RBM33: variants seen among roughly 807,000 people sequenced by gnomAD.
RBM33 encodes the protein RNA binding motif protein 33.
A neutral mutation model predicts 132.6 loss-of-function variants in RBM33; 28 were observed. That is an observed-to-expected ratio of 0.21 (90% CI 0.16 to 0.29). RBM33 has a LOEUF of 0.29. RBM33 is among the 10% of genes least tolerant of loss of function. RBM33 has a pLI of 1.00. For missense variants in RBM33, 1,291 were observed against 1,518.5 expected, an observed-to-expected ratio of 0.85 and a Z score of 2.49; for synonymous variants, 634 against 593.0, an observed-to-expected ratio of 1.07 and a Z score of -1.01.
At chr7:155,761,640 C>T (rs1269578301) in intron 14 of RBM33, among the ~76,000 whole-genome samples, 1 of 152,030 alleles carries the variant, frequency 6.6e-6, no homozygotes, top group African/African-American at 2.4e-5. Context: ...CTCTTTGTTT[C>T]CTTATTTTGG....
At chr7:155,763,000 C>T (rs1210089503) in intron 14 of RBM33, among the ~76,000 whole-genome samples, 1 of 152,238 alleles carries the variant, frequency 6.6e-6, no homozygotes, top group East Asian at 1.9e-4. Context: ...ATAGGCACCA[C>T]CCTAAGACAT....
At chr7:155,752,440 T>C (rs560218643) in intron 14 of RBM33, among the ~76,000 whole-genome samples, 1 of 152,350 alleles carries the variant, frequency 6.6e-6, no homozygotes, top group African/African-American at 2.4e-5. Flanking sequence ...TTTTTTGAAT[T>C]ATTGTAGTTG....
intron 14 of RBM33, among the ~76,000 whole-genome samples, chr7:155,756,716 G>A (rs1012377418): frequency 4.6e-5 from 7 of 152,280 alleles, no homozygotes; most frequent in Middle Eastern, 3.4e-3. Context: ...TGTGCCGCCC[G>A]TGAGTTGGAG....
intron 8 of RBM33, among the ~76,000 whole-genome samples, chr7:155,716,381 G>A (rs2116986885): frequency 7.1e-6 from 1 of 140,184 alleles, no homozygotes; most frequent in Non-Finnish European, 1.5e-5. Context: ...CTCATCAGAG[G>A]CTTCTGTGTA....
chr7:155,738,476 AT>A, intron 11 of RBM33, 73 bp downstream of exon 11: 1 of 1,379,024 alleles, frequency 7.3e-7, no homozygotes, highest in Non-Finnish European at 9.8e-7. Flanking sequence ...AAAGTTTCAG[AT>A]TTTTATTTGA....
chr7:155,678,484 G>A, intron 3 of RBM33, 124 bp from the exon 4 acceptor site: 1 of 601,334 alleles, frequency 1.7e-6, no homozygotes. Context: ...TGACCAGAAA[G>A]CCTTCCGGGT....
intron 2 of RBM33, among the ~76,000 whole-genome samples, chr7:155,667,606 T>C (rs1480760227): frequency 2.0e-5 from 3 of 152,128 alleles, no homozygotes; most frequent in Non-Finnish European, 4.4e-5. Flanking sequence ...GCCATTTATC[T>C]TGGGTTTGCT....
At chr7:155,665,443 C>T (rs1798775711) in intron 2 of RBM33, among the ~76,000 whole-genome samples, 190 bp downstream of exon 2, 2 of 152,168 alleles carry the variant, frequency 1.3e-5, no homozygotes, top group Admixed American at 1.3e-4. Context: ...TGTTCCAGGC[C>T]TGTGTTGTGT....
At chr7:155,762,911 G>A (rs1488233654) in intron 14 of RBM33, among the ~76,000 whole-genome samples, 4 of 152,212 alleles carry the variant, frequency 2.6e-5, no homozygotes, top group African/African-American at 7.2e-5. Context: ...CATCAGGGCG[G>A]TGTCTGCCGT....
At chr7:155,732,578 A>G (rs1022807469) in intron 9 of RBM33, among the ~76,000 whole-genome samples, 3 of 152,324 alleles carry the variant, frequency 2.0e-5, no homozygotes, top group Non-Finnish European at 4.4e-5. Context: ...TACTGTTCCT[A>G]TATTTAAATG....
At chr7:155,741,681 A>G (rs1312871096) in intron 12 of RBM33, 138 bp from the exon 13 acceptor site, 15 of 810,868 alleles carry the variant, frequency 1.8e-5, no homozygotes, top group Admixed American at 2.9e-5. Flanking sequence ...AAAGTATGAG[A>G]AAAAAGTATC....
intron 5 of RBM33, among the ~76,000 whole-genome samples, chr7:155,700,370 C>T (rs1003138149): frequency 6.6e-6 from 1 of 152,094 alleles, no homozygotes; most frequent in Non-Finnish European, 1.5e-5. Flanking sequence ...CTTTAAGTTA[C>T]AATAAACTCA....
At chr7:155,658,230 T>C (rs1382022762) in intron 1 of RBM33, among the ~76,000 whole-genome samples, 1 of 152,180 alleles carries the variant, frequency 6.6e-6, no homozygotes, top group Admixed American at 6.5e-5. Context: ...TGAAACAATT[T>C]TGGATTTAAA....
intron 16 of RBM33, among the ~76,000 whole-genome samples, chr7:155,772,983 T>C (rs1165622069): frequency 1.3e-5 from 2 of 152,266 alleles, no homozygotes; most frequent in Non-Finnish European, 1.5e-5. Context: ...TTATTTCATA[T>C]ACAGTGTAAC....
At chr7:155,689,311 T>C (rs999259648) in intron 5 of RBM33, among the ~76,000 whole-genome samples, 10 of 152,196 alleles carry the variant, frequency 6.6e-5, no homozygotes, top group Non-Finnish European at 1.2e-4. Context: ...GTGGGATCGG[T>C]GGTGATATCC....
intron 2 of RBM33, among the ~76,000 whole-genome samples, chr7:155,667,939 C>G (rs1023718146): frequency 5.9e-5 from 9 of 152,130 alleles, no homozygotes; most frequent in African/African-American, 2.2e-4. Flanking sequence ...AGCATATAGC[C>G]AATCTCTTAT....
chr7:155,710,767 A>G (rs906112431), intron 7 of RBM33, among the ~76,000 whole-genome samples: 13 of 151,588 alleles, frequency 8.6e-5, no homozygotes, highest in Admixed American at 4.6e-4. Context: ...GGAGCAGGGT[A>G]ACTGGTGCAC....
intron 5 of RBM33, among the ~76,000 whole-genome samples, chr7:155,699,836 GTTAC>G (rs1799907946): frequency 6.6e-6 from 1 of 152,154 alleles, no homozygotes; most frequent in Non-Finnish European, 1.5e-5. Context: ...AAAGTTCACT[GTTAC>G]TTCTATTAAG....
chr7:155,646,933 A>C (rs1334133263), intron 1 of RBM33, among the ~76,000 whole-genome samples: 2 of 152,254 alleles, frequency 1.3e-5, no homozygotes, highest in Admixed American at 6.5e-5. Context: ...TTTCTTTACG[A>C]ATAGGAAATA....
Sources: allele counts gnomAD v4.1 joint callset (sites outside exome capture counted in the v4.1 genomes callset), GRCh38; gene constraint gnomAD v4.1.1; transcripts MANE v1.5; gene names NCBI Gene and HGNC (gene_info 2026-07-23, HGNC 2026-07-21).